The following PHF14 variants were observed in gnomAD, a reference collection of about 807,000 sequenced individuals.
PHF14 encodes the protein PHD finger protein 14.
A neutral mutation model predicts 117.9 loss-of-function variants in PHF14; 55 were observed. That is an observed-to-expected ratio of 0.47 (90% CI 0.38 to 0.58). PHF14 has a LOEUF of 0.58. Ranked by LOEUF, PHF14 falls within the 20% of genes least tolerant of loss-of-function variation. The pLI is 0.00. For synonymous variants in PHF14, 409 were observed against 368.6 expected, an observed-to-expected ratio of 1.11 and a Z score of -1.26; for missense variants, 978 against 1,122.2, an observed-to-expected ratio of 0.87 and a Z score of 1.84.
intron 16 of PHF14, among the ~76,000 whole-genome samples, chr7:11,087,043 T>G (rs896577163): frequency 6.6e-6 from 1 of 152,194 alleles, no homozygotes; most frequent in Admixed American, 6.5e-5. Context: ...AATCCAGTTT[T>G]GGGTAGCATA....
intron 13 of PHF14, among the ~76,000 whole-genome samples, chr7:11,043,252 T>C (rs1482907384): frequency 6.6e-6 from 1 of 152,060 alleles, no homozygotes; most frequent in Non-Finnish European, 1.5e-5. Context: ...CAACCATTCT[T>C]TGACATCTAG....
chr7:11,090,691 C>T (rs1212838710), intron 16 of PHF14, among the ~76,000 whole-genome samples: 1 of 152,044 alleles, frequency 6.6e-6, no homozygotes, highest in Non-Finnish European at 1.5e-5. Context: ...TTCTTCTCAC[C>T]AGATTTACTT....
At chr7:11,121,721 C>G (rs1047972926) in intron 17 of PHF14, among the ~76,000 whole-genome samples, 5 of 152,106 alleles carry the variant, frequency 3.3e-5, no homozygotes, top group African/African-American at 4.8e-5. Context: ...GCAGGTAGCA[C>G]ATACAGTATG....
At chr7:11,078,041 T>C (rs1785933020) in intron 16 of PHF14, among the ~76,000 whole-genome samples, 1 of 152,198 alleles carries the variant, frequency 6.6e-6, no homozygotes, top group African/African-American at 2.4e-5. Flanking sequence ...ATATGTGGCA[T>C]GTGGGTATTT....
chr7:11,134,208 C>T (rs1562481113), intron 17 of PHF14, among the ~76,000 whole-genome samples: 1 of 151,746 alleles, frequency 6.6e-6, no homozygotes, highest in South Asian at 2.1e-4. Context: ...TGCTTAGAAA[C>T]TGAGTACTGC....
intron 13 of PHF14, among the ~76,000 whole-genome samples, chr7:11,051,401 T>C (rs1784847244): frequency 1.3e-5 from 2 of 152,150 alleles, no homozygotes; most frequent in South Asian, 4.1e-4. Flanking sequence ...ACTTACAGGA[T>C]ACATTAAATT....
intron 12 of PHF14, among the ~76,000 whole-genome samples, chr7:11,042,379 A>T (rs891243446): frequency 1.8e-4 from 27 of 151,952 alleles, no homozygotes; most frequent in African/African-American, 6.3e-4. Context: ...TAATAACTAA[A>T]ATTAAAATGA....
chr7:11,164,838 G>A (rs564316112), intron 17 of PHF14, among the ~76,000 whole-genome samples: 2 of 152,200 alleles, frequency 1.3e-5, no homozygotes, highest in Admixed American at 1.3e-4. Context: ...TTTTTATGTA[G>A]TCCAGGATTC....
At chr7:10,977,270 T>C (rs770154948) in intron 2 of PHF14, among the ~76,000 whole-genome samples, 1 of 152,120 alleles carries the variant, frequency 6.6e-6, no homozygotes, top group African/African-American at 2.4e-5. Context: ...TCTGATCATA[T>C]CTTCTTTCAA....
At chr7:11,077,763 G>C (rs1785922015) in intron 16 of PHF14, among the ~76,000 whole-genome samples, 1 of 152,024 alleles carries the variant, frequency 6.6e-6, no homozygotes, top group Non-Finnish European at 1.5e-5. Context: ...TTGAGAGGCA[G>C]GTTCAGTTAA....
At chr7:11,110,828 T>A (rs1196850693) in intron 16 of PHF14, among the ~76,000 whole-genome samples, 1 of 152,064 alleles carries the variant, frequency 6.6e-6, no homozygotes, top group Non-Finnish European at 1.5e-5. Flanking sequence ...CTACTTTAAC[T>A]TGAAGAAAGA....
chr7:10,985,536 G>A (rs1444645536), intron 3 of PHF14, among the ~76,000 whole-genome samples: 1 of 150,992 alleles, frequency 6.6e-6, no homozygotes, highest in Non-Finnish European at 1.5e-5. Flanking sequence ...TTTTAGCAGG[G>A]CCCTTTTATA....
intron 17 of PHF14, among the ~76,000 whole-genome samples, chr7:11,117,360 AATT>A (rs1005452511): frequency 2.6e-5 from 4 of 151,760 alleles, no homozygotes; most frequent in African/African-American, 9.7e-5. Context: ...GAGTAGTAAT[AATT>A]TTTGAATTCA....
intron 14 of PHF14, among the ~76,000 whole-genome samples, chr7:11,057,864 A>C (rs1785072683): frequency 7.5e-6 from 1 of 133,064 alleles, no homozygotes; most frequent in Non-Finnish European, 1.5e-5. Flanking sequence ...TTCCCTAGCT[A>C]AATCAAGTTC....
chr7:11,129,717 C>G (rs1788037427), intron 17 of PHF14, among the ~76,000 whole-genome samples: 1 of 151,864 alleles, frequency 6.6e-6, no homozygotes, highest in Non-Finnish European at 1.5e-5. Flanking sequence ...ACATACTTCA[C>G]TAGGTGCTTC....
At chr7:11,012,477 C>G (rs1020847377) in intron 4 of PHF14, among the ~76,000 whole-genome samples, 1 of 152,224 alleles carries the variant, frequency 6.6e-6, no homozygotes, top group Admixed American at 6.5e-5. Context: ...TGAAAGAAAT[C>G]TGCATATAAG....
chr7:11,070,242 T>C (rs1785568556), intron 16 of PHF14, among the ~76,000 whole-genome samples: 1 of 152,190 alleles, frequency 6.6e-6, no homozygotes, highest in South Asian at 2.1e-4. Context: ...CATGCCCAGC[T>C]GATTTTTTAA....
At chr7:10,976,870 G>C (rs966147910) in intron 2 of PHF14, among the ~76,000 whole-genome samples, 4 of 147,860 alleles carry the variant, frequency 2.7e-5, no homozygotes, top group African/African-American at 7.5e-5. Flanking sequence ...TACCTTCCTG[G>C]CCCCCTGGGG....
chr7:11,060,157 G>C (rs113870009), intron 14 of PHF14, among the ~76,000 whole-genome samples: 2,666 of 152,286 alleles, frequency 0.018, 64 homozygotes, highest in Admixed American at 0.061. Context: ...GATTATGGCC[G>C]TGAGCCATGG....
Sources: allele counts gnomAD v4.1 joint callset (sites outside exome capture counted in the v4.1 genomes callset), GRCh38; gene constraint gnomAD v4.1.1; transcripts MANE v1.5; gene names NCBI Gene and HGNC (gene_info 2026-07-23, HGNC 2026-07-21).